The following SHISA9 variants were observed in gnomAD, a reference collection of about 807,000 sequenced individuals.
SHISA9 encodes shisa family member 9.
SHISA9 carries 13 observed loss-of-function variants against 38.0 expected under a neutral mutation model. The observed-to-expected ratio is 0.34, with a 90% confidence interval of 0.22 to 0.54. The LOEUF is 0.54. Ranked by LOEUF, SHISA9 falls within the 20% of genes least tolerant of loss-of-function variation. The pLI, the probability that SHISA9 is intolerant of heterozygous loss-of-function variation, is 0.91. For synonymous variants in SHISA9, 275 were observed against 242.0 expected, an observed-to-expected ratio of 1.14 and a Z score of -1.27; for missense variants, 538 against 575.8, an observed-to-expected ratio of 0.93 and a Z score of 0.67.
chr16:12,974,479 GTTTTTTTTTTTTTTTT>G (rs58309847), intron 2 of SHISA9, among the ~76,000 whole-genome samples: 35 of 91,788 alleles, frequency 3.8e-4, no homozygotes, highest in Middle Eastern at 7.6e-3. Context: ...ATTTCTGGTG[GTTTTTTTTTTTTTTTT>G]TTTTTTTTTT....
At chr16:13,060,421 G>A (rs964600782) in intron 2 of SHISA9, among the ~76,000 whole-genome samples, 23 of 152,036 alleles carry the variant, frequency 1.5e-4, no homozygotes, top group African/African-American at 5.1e-4. Context: ...CTAGGATTCC[G>A]TTTTCTTCTC....
At chr16:13,177,581 C>G (rs995811376) in intron 2 of SHISA9, among the ~76,000 whole-genome samples, 1 of 152,034 alleles carries the variant, frequency 6.6e-6, no homozygotes, top group Non-Finnish European at 1.5e-5. Flanking sequence ...TCTACTCATA[C>G]GATTTTCCCT....
At chr16:13,206,767 C>T (rs142663137) in intron 3 of SHISA9, among the ~76,000 whole-genome samples, 1 of 152,350 alleles carries the variant, frequency 6.6e-6, no homozygotes, top group Admixed American at 6.5e-5. Context: ...CTATGCCCAG[C>T]TCAACCCTCG....
intron 2 of SHISA9, among the ~76,000 whole-genome samples, chr16:13,066,750 TGTCA>T (rs1457695708): frequency 6.6e-6 from 1 of 152,224 alleles, no homozygotes; most frequent in Non-Finnish European, 1.5e-5. Flanking sequence ...CTATAACAAT[TGTCA>T]GTCCTGTGAA....
chr16:13,526,526 G>C, the SHISA9 span, among the ~76,000 whole-genome samples: 1 of 152,064 alleles, frequency 6.6e-6, no homozygotes, highest in East Asian at 1.9e-4. Context: ...TGGGATTACA[G>C]GTGTGCACCA....
At chr16:13,517,234 G>A in the SHISA9 span, among the ~76,000 whole-genome samples, 1 of 152,166 alleles carries the variant, frequency 6.6e-6, no homozygotes, top group East Asian at 1.9e-4. Flanking sequence ...GTAACCATCG[G>A]AAGCTAAGAG....
the SHISA9 span, among the ~76,000 whole-genome samples, chr16:13,368,219 T>C: frequency 6.6e-6 from 1 of 152,152 alleles, no homozygotes; most frequent in Non-Finnish European, 1.5e-5. Context: ...GGGATGATTT[T>C]GTAACCAGAA....
At chr16:13,002,962 G>T (rs770734264) in intron 2 of SHISA9, among the ~76,000 whole-genome samples, 1 of 152,162 alleles carries the variant, frequency 6.6e-6, no homozygotes, top group Non-Finnish European at 1.5e-5. Flanking sequence ...GGGACACGAG[G>T]TTGAACATTA....
the SHISA9 span, among the ~76,000 whole-genome samples, chr16:13,327,860 T>C: frequency 6.6e-6 from 1 of 151,918 alleles, no homozygotes; most frequent in Non-Finnish European, 1.5e-5. Context: ...GGTTTCTCCA[T>C]GTTGGCCAGG....
chr16:13,045,285 G>A (rs2073174073), intron 2 of SHISA9, among the ~76,000 whole-genome samples: 1 of 152,134 alleles, frequency 6.6e-6, no homozygotes, highest in South Asian at 2.1e-4. Flanking sequence ...CCTACTATGA[G>A]GTAGATGGTA....
chr16:13,303,675 G>T, the SHISA9 span, among the ~76,000 whole-genome samples: 1 of 152,142 alleles, frequency 6.6e-6, no homozygotes, highest in Non-Finnish European at 1.5e-5. Flanking sequence ...ATACAGAGGT[G>T]GTGGCTGTAC....
chr16:12,942,996 G>A (rs2071631500), intron 2 of SHISA9, among the ~76,000 whole-genome samples: 2 of 152,084 alleles, frequency 1.3e-5, no homozygotes, highest in Admixed American at 6.6e-5. Context: ...TCCCTGTGGT[G>A]GCAGGATGGT....
In SHISA9 at chr16:13,057,983, G is replaced by A. The variant is rs142522918; in HGVS notation, c.691+141168G>A. 8.1e-3 allele frequency among the ~76,000 whole-genome samples: 1,234 copies of A among 152,222 alleles called. 18 individuals carry two copies. The highest frequency in any genetic ancestry group is 0.028 in the African/African-American group (1,155 of 41,524). ...ATGCTCCTGCAAAGGACATGATCTC[G>A]TTCCTTTTTATGGCTGTATAATATT... On this transcript the variant is annotated intron_variant, in intron 2 of 4. Transcript: ENST00000558583.
At chr16:13,245,457 C>A in the SHISA9 span, among the ~76,000 whole-genome samples, 3 of 152,132 alleles carry the variant, frequency 2.0e-5, no homozygotes, top group African/African-American at 7.2e-5. Context: ...GTATCTCTAT[C>A]ATTGGCTGTT....
intron 2 of SHISA9, among the ~76,000 whole-genome samples, chr16:12,933,121 C>A (rs759211410): frequency 6.6e-6 from 1 of 152,084 alleles, no homozygotes; most frequent in Non-Finnish European, 1.5e-5. Context: ...ATTAGCATAT[C>A]TTTGTTTAAT....
At chr16:13,007,699 G>A (rs1002732999) in intron 2 of SHISA9, among the ~76,000 whole-genome samples, 1 of 152,184 alleles carries the variant, frequency 6.6e-6, no homozygotes. Flanking sequence ...TCTGCTCACT[G>A]TTCCTTCAGC....
chr16:13,276,276 C>T, the SHISA9 span, among the ~76,000 whole-genome samples: 10,577 of 150,648 alleles, frequency 0.07, 1,267 homozygotes, highest in African/African-American at 0.24. Context: ...AGTATTCCAT[C>T]ATATATATAT....
chr16:13,289,578 C>A, the SHISA9 span, among the ~76,000 whole-genome samples: 1,575 of 151,058 alleles, frequency 0.01, 18 homozygotes, highest in Non-Finnish European at 0.017. Flanking sequence ...AATATATTAG[C>A]AGTGAAAGTG....
At chr16:13,159,495 G>A (rs1313577503) in intron 2 of SHISA9, among the ~76,000 whole-genome samples, 1 of 152,238 alleles carries the variant, frequency 6.6e-6, no homozygotes, top group East Asian at 1.9e-4. Context: ...TCAGGAGGAG[G>A]TCAGGATTGG....
Sources: gnomAD v4.1 joint callset for allele counts (sites outside exome capture counted in the v4.1 genomes callset) on GRCh38, gnomAD v4.1.1 for gene constraint, MANE v1.5 for transcripts, NCBI Gene and HGNC (gene_info 2026-07-23, HGNC 2026-07-21) for gene names.